CHRM2: variants seen among roughly 807,000 people sequenced by gnomAD.
CHRM2 encodes the protein cholinergic receptor muscarinic 2.
A neutral mutation model predicts 25.0 loss-of-function variants in CHRM2; 8 were observed. The observed-to-expected ratio is 0.32, with a 90% confidence interval of 0.19 to 0.58. The LOEUF (loss-of-function observed/expected upper bound fraction) is 0.58, where lower values mean the gene tolerates loss of function less well. CHRM2 is among the 20% of genes least tolerant of loss of function. The pLI is 0.88. For synonymous variants in CHRM2, 202 were observed against 205.7 expected, an observed-to-expected ratio of 0.98 and a Z score of 0.15; for missense variants, 440 against 567.1, an observed-to-expected ratio of 0.78 and a Z score of 2.28.
chr7:136,874,687 A>G (rs1795979652), intron 2 of CHRM2, among the ~76,000 whole-genome samples: 1 of 151,886 alleles, frequency 6.6e-6, no homozygotes, highest in Non-Finnish European at 1.5e-5. Context: ...TTTAAAGCTT[A>G]GGGAGAATTT....
At chr7:136,887,644 A>T (rs966557515) in intron 2 of CHRM2, among the ~76,000 whole-genome samples, 13 of 152,152 alleles carry the variant, frequency 8.5e-5, no homozygotes, top group African/African-American at 2.9e-4. Context: ...AGAACAGATA[A>T]TTCATTGTGA....
intron 2 of CHRM2, among the ~76,000 whole-genome samples, chr7:136,945,733 G>GA (rs956865347): frequency 5.3e-5 from 8 of 152,006 alleles, no homozygotes; most frequent in Admixed American, 6.6e-5. Context: ...CATATAGCAT[G>GA]AAAAATCTTC....
At chr7:136,884,752 T>C (rs1796397433) in intron 2 of CHRM2, among the ~76,000 whole-genome samples, 1 of 152,092 alleles carries the variant, frequency 6.6e-6, no homozygotes, top group African/African-American at 2.4e-5. Flanking sequence ...GACAGGGAAG[T>C]ATAGGAGAAC....
intron 2 of CHRM2, among the ~76,000 whole-genome samples, chr7:136,934,733 G>T (rs1323425561): frequency 6.6e-6 from 1 of 151,166 alleles, no homozygotes; most frequent in East Asian, 1.9e-4. Context: ...ATGTAATTTT[G>T]TAACATGGAA....
rs1554414700 is a variant in CHRM2, at chr7:136,910,830, TGA to T, written c.-125+41425_-125+41426del. Among the ~76,000 whole-genome samples the T allele has an allele frequency of 1.2e-3, 182 of 149,704 alleles. 1 individual carries two copies. Among genetic ancestry groups the T allele is most frequent in the South Asian group, 0.012 (55 of 4,750 alleles). ...GTGTGTGTGTGTGTGTGTGTGTGTGTGAGAGAGAGAGAGAAACTTGGTGCCAA... is the reference window on the plus strand; with the variant it reads ...GTGTGTGTGTGTGTGTGTGTGTGTGTGAGAGAGAGAGAAACTTGGTGCCAA... On this transcript the variant is annotated intron_variant, in intron 2 of 3. Transcript: ENST00000680005.
At chr7:136,944,705 T>G (rs1799969515) in intron 2 of CHRM2, among the ~76,000 whole-genome samples, 1 of 152,086 alleles carries the variant, frequency 6.6e-6, no homozygotes, top group African/African-American at 2.4e-5. Context: ...GATTACTGGA[T>G]CAAATGGTAG....
chr7:136,969,885 A>C (rs1317294584), intron 2 of CHRM2, among the ~76,000 whole-genome samples: 1 of 152,206 alleles, frequency 6.6e-6, no homozygotes, highest in Admixed American at 6.5e-5. Flanking sequence ...GGTGGTTTCA[A>C]TAACATATAT....
At position 136,942,030 on chromosome 7, in the gene CHRM2, G is replaced by A. The variant is rs551114176; in HGVS notation, c.-124-50157G>A. Among the ~76,000 whole-genome samples, 115 of 152,188 alleles carry A rather than the reference G, an allele frequency of 7.6e-4. 1 individual carries two copies. The highest frequency in any genetic ancestry group is 2.7e-3 in the African/African-American group (112 of 41,520). On this transcript the variant is annotated intron_variant, in intron 2 of 3. Transcript: ENST00000680005. ...GAGGTTTTATGAAAATAATGAACTG[G>A]AAACACCTGTTCAGCCTGTAGAGTT...
chr7:136,970,409 C>T (rs1382825317), intron 2 of CHRM2, among the ~76,000 whole-genome samples: 1 of 152,166 alleles, frequency 6.6e-6, no homozygotes, highest in Non-Finnish European at 1.5e-5. Context: ...TATTCAAATA[C>T]TACCCATCTT....
intron 2 of CHRM2, among the ~76,000 whole-genome samples, chr7:136,980,514 C>G (rs1169016718): frequency 6.6e-6 from 1 of 152,160 alleles, no homozygotes; most frequent in East Asian, 1.9e-4. Flanking sequence ...GCATCCTTGT[C>G]TTCTGCCAGT....
At chr7:136,933,771 T>C (rs548073867) in intron 2 of CHRM2, among the ~76,000 whole-genome samples, 21 of 152,298 alleles carry the variant, frequency 1.4e-4, no homozygotes, top group Non-Finnish European at 2.9e-4. Context: ...TATGAGGTAA[T>C]TCTTGACAAC....
intron 2 of CHRM2, among the ~76,000 whole-genome samples, chr7:136,991,401 A>G (rs1173008839): frequency 1.3e-5 from 2 of 152,130 alleles, no homozygotes; most frequent in Non-Finnish European, 2.9e-5. Flanking sequence ...TCTTTGCTCC[A>G]TTGTATTGCC....
intron 2 of CHRM2, among the ~76,000 whole-genome samples, chr7:136,892,889 C>T (rs1048571332): frequency 9.2e-5 from 14 of 151,928 alleles, no homozygotes; most frequent in African/African-American, 3.4e-4. Context: ...AAGCTGGTCT[C>T]GAACTCCTGA....
At chr7:136,969,109 A>G (rs180808192) in intron 2 of CHRM2, among the ~76,000 whole-genome samples, 8 of 152,256 alleles carry the variant, frequency 5.3e-5, no homozygotes, top group East Asian at 1.9e-4. Context: ...GTCATCTTCA[A>G]TTACTTGAGG....
intron 2 of CHRM2, among the ~76,000 whole-genome samples, chr7:136,912,830 A>G (rs1482712725): frequency 6.6e-6 from 1 of 152,014 alleles, no homozygotes; most frequent in East Asian, 1.9e-4. Context: ...CATACACAGC[A>G]TTAATGTATC....
chr7:136,986,059 C>T (rs1035928719), intron 2 of CHRM2, among the ~76,000 whole-genome samples: 13 of 152,072 alleles, frequency 8.5e-5, no homozygotes, highest in Admixed American at 3.3e-4. Flanking sequence ...CCAAGTGACC[C>T]GTCCTATCAT....
chr7:136,987,187 C>A (rs1039474632), intron 2 of CHRM2, among the ~76,000 whole-genome samples: 1 of 152,088 alleles, frequency 6.6e-6, no homozygotes, highest in Non-Finnish European at 1.5e-5. Context: ...TTCACAGGTC[C>A]CTTTCCTCTG....
At chr7:136,894,074 TATC>T (rs1344078151) in intron 2 of CHRM2, among the ~76,000 whole-genome samples, 1 of 152,160 alleles carries the variant, frequency 6.6e-6, no homozygotes, top group African/African-American at 2.4e-5. Flanking sequence ...TTCTTAATCC[TATC>T]ATCATCAGAC....
At chr7:137,000,547 A>AGAAGGAAG (rs780148176) in intron 3 of CHRM2, among the ~76,000 whole-genome samples, 15,897 of 95,118 alleles carry the variant, frequency 0.17, 1,708 homozygotes, top group Non-Finnish European at 0.18. Flanking sequence ...AAAGAAAGAA[A>AGAAGGAAG]GAAGGAAGGA....
Sources: allele counts gnomAD v4.1 joint callset (sites outside exome capture counted in the v4.1 genomes callset), GRCh38; gene constraint gnomAD v4.1.1; transcripts MANE v1.5; gene names NCBI Gene and HGNC (gene_info 2026-07-23, HGNC 2026-07-21).